The following MAPRE2 variants were observed in gnomAD, a reference collection of about 807,000 sequenced individuals.
MAPRE2 encodes the protein microtubule-associated protein RP/EB family member 2.
Under a neutral mutation model 43.2 loss-of-function variants are expected in MAPRE2, and 13 were observed. The observed-to-expected ratio is 0.30, with a 90% CI of 0.20 to 0.48. The LOEUF (loss-of-function observed/expected upper bound fraction) is 0.48, where lower values mean the gene tolerates loss of function less well. Ranked by LOEUF, MAPRE2 falls within the 20% of genes least tolerant of loss-of-function variation. The probability of loss-of-function intolerance (pLI) is 0.99; values close to 1 mark genes in which losing one functional copy is unlikely to be tolerated. For synonymous variants in MAPRE2, 135 were observed against 148.8 expected (o/e 0.91, Z 0.68); for missense variants, 161 against 400.2 (o/e 0.40, Z 5.10).
At chr18:35,108,298 A>G (rs1909005796) in intron 4 of MAPRE2, among the ~76,000 whole-genome samples, 1 of 152,164 alleles carries the variant, frequency 6.6e-6, no homozygotes, top group South Asian at 2.1e-4. Flanking sequence ...AAAGGACATG[A>G]TCTCATTCCT....
intron 1 of MAPRE2, among the ~76,000 whole-genome samples, chr18:35,048,510 T>A (rs1446803488): frequency 6.6e-6 from 1 of 150,718 alleles, no homozygotes; most frequent in African/African-American, 2.4e-5. Flanking sequence ...TATATATGTG[T>A]TACATATAGT....
intron 4 of MAPRE2, among the ~76,000 whole-genome samples, chr18:35,112,533 A>G (rs2074653826): frequency 6.6e-6 from 1 of 152,170 alleles, no homozygotes; most frequent in African/African-American, 2.4e-5. Context: ...TGACCTGTTC[A>G]TATTAAGAAA....
chr18:35,027,725 T>A (rs544643), intron 2 of MAPRE2, among the ~76,000 whole-genome samples: 39,129 of 152,154 alleles, frequency 0.26, 5,290 homozygotes, highest in African/African-American at 0.29. Flanking sequence ...ACCACAAAAC[T>A]TATTAACTTA....
At chr18:35,015,746 A>C (rs975046777) in intron 2 of MAPRE2, among the ~76,000 whole-genome samples, 1 of 151,790 alleles carries the variant, frequency 6.6e-6, no homozygotes, top group African/African-American at 2.4e-5. Context: ...TCATGAACAA[A>C]AATTCAGAAC....
At position 35,045,019 on chromosome 18, in the gene MAPRE2, G is replaced by A. The variant is rs373254655; in HGVS notation, c.122+3358G>A. Among the ~76,000 whole-genome samples, 12 of 152,208 alleles carry A rather than the reference G, an allele frequency of 7.9e-5. No homozygotes were observed. The South Asian group carries it at 2.5e-3, about 32-fold the overall frequency. ...AAGCTTCCTTTAGAAAATTACCCCTGGATTAGTAATTCCAATTGAAAAGAG... is the reference window on the plus strand; with the variant it reads ...AAGCTTCCTTTAGAAAATTACCCCTAGATTAGTAATTCCAATTGAAAAGAG... On this transcript the variant is annotated intron_variant, in intron 1 of 6. Transcript: ENST00000300249.
In MAPRE2 at chr18:34,985,284, T is replaced by TATATAATATATTATATA. The variant is rs1568961454; in HGVS notation, c.-70+8210_-70+8211insATATATTATATAATATA. Among the ~76,000 whole-genome samples the TATATAATATATTATATA allele has an allele frequency of 2.6e-3, 83 of 32,460 alleles. 4 individuals carry two copies. The highest frequency in any genetic ancestry group is 3.6e-3 in the South Asian group (4 of 1,104). The allele number at this position is 32,460 out of a possible 152,430, so 21.3% of individuals were successfully genotyped here. ...TAATATATTATATAATATAATATAT[T>TATATAATATATTATATA]ATATATTATATTATATATTGTATAT... On this transcript the variant is annotated intron_variant, in intron 1 of 7. Transcript: ENST00000413393.
intron 2 of MAPRE2, 90 bp from the exon 3 acceptor site, chr18:35,097,356 T>G: frequency 8.4e-7 from 1 of 1,189,178 alleles, no homozygotes. Context: ...TGATGGTGCC[T>G]GTAAGGACAA....
intron 1 of MAPRE2, among the ~76,000 whole-genome samples, chr18:35,045,344 A>G (rs1905566823): frequency 6.6e-6 from 1 of 152,156 alleles, no homozygotes; most frequent in Non-Finnish European, 1.5e-5. Context: ...CTTTGTTTGT[A>G]TACTCCAGGC....
At chr18:35,011,787 C>T (rs76442968) in intron 2 of MAPRE2, among the ~76,000 whole-genome samples, 2,291 of 152,214 alleles carry the variant, frequency 0.015, 53 homozygotes, top group African/African-American at 0.052. Flanking sequence ...ATAGAAAGGA[C>T]TGGGGAAGGA....
At chr18:35,032,907 T>C (rs2097048519) in intron 2 of MAPRE2, among the ~76,000 whole-genome samples, 1 of 152,176 alleles carries the variant, frequency 6.6e-6, no homozygotes, top group Non-Finnish European at 1.5e-5. Context: ...ATATCCTTCC[T>C]GTATTGCTGG....
intron 1 of MAPRE2, among the ~76,000 whole-genome samples, chr18:34,985,823 C>T (rs2097020711): frequency 7.0e-6 from 1 of 143,772 alleles, no homozygotes; most frequent in Non-Finnish European, 1.5e-5. Flanking sequence ...TCTCTTTTAA[C>T]CCCCTAGAAG....
At position 34,991,216 on chromosome 18, in the gene MAPRE2, A is replaced by G. The variant is rs149753550; in HGVS notation, c.-70+14137A>G. On this transcript the variant is annotated intron_variant, in intron 1 of 7. Transcript: ENST00000413393. Reference sequence around the variant, plus strand: ...CTCTTCCTCTTCTCTCTCTCTCCCAATTCCCTTTTGTAGTCCCCAGTGTCC... The same window carrying G: ...CTCTTCCTCTTCTCTCTCTCTCCCAGTTCCCTTTTGTAGTCCCCAGTGTCC... 2.0e-5 allele frequency among the ~76,000 whole-genome samples: 3 copies of G among 151,540 alleles called. No individual in the cohort carries two copies. In the East Asian group the frequency reaches 5.8e-4, roughly 30 times the overall value.
intron 1 of MAPRE2, among the ~76,000 whole-genome samples, chr18:35,054,900 A>G (rs1241885822): frequency 1.3e-5 from 2 of 152,190 alleles, no homozygotes; most frequent in Admixed American, 1.3e-4. Context: ...CGTCAGTTCT[A>G]TTGGCTTGAA....
intron 3 of MAPRE2, among the ~76,000 whole-genome samples, chr18:35,099,046 AT>A (rs1908554497): frequency 6.6e-6 from 1 of 152,174 alleles, no homozygotes; most frequent in African/African-American, 2.4e-5. Flanking sequence ...GCCACCTAGG[AT>A]TTTGAACTTT....
intron 2 of MAPRE2, among the ~76,000 whole-genome samples, chr18:35,014,435 CAT>C: frequency 6.7e-6 from 1 of 149,622 alleles, no homozygotes; most frequent in East Asian, 2.0e-4. Flanking sequence ...CTATATAAGG[CAT>C]ATATACCTGG....
chr18:34,984,954 TA>T (rs2097018488), intron 1 of MAPRE2, among the ~76,000 whole-genome samples: 1 of 16,674 alleles, frequency 6.0e-5, no homozygotes, highest in African/African-American at 1.7e-4. Flanking sequence ...TAAAATATAT[TA>T]TATATAAAAT....
Position 35,060,219 on chromosome 18 carries a change from C to T in MAPRE2, c.123-9976C>T, listed in dbSNP as rs144464102. On this transcript the variant is annotated intron_variant, in intron 1 of 6. Transcript: ENST00000300249. ...GAGCTAAGGTCAGGGTAAGAGGGAA[C>T]GAGGCCAAGTAGGGCTGGGAAAGTA... Among the ~76,000 whole-genome samples, 130 of 152,102 alleles carry T rather than the reference C, an allele frequency of 8.5e-4. No homozygotes were observed. The Middle Eastern group carries it at 0.01, about 12-fold the overall frequency.
At chr18:35,122,442 G>C (rs910153486) in intron 4 of MAPRE2, among the ~76,000 whole-genome samples, 1 of 152,070 alleles carries the variant, frequency 6.6e-6, no homozygotes, top group Non-Finnish European at 1.5e-5. Context: ...AGTTAAGTAG[G>C]CCTGATCTCA....
intron 4 of MAPRE2, among the ~76,000 whole-genome samples, chr18:35,123,948 T>G (rs902784110): frequency 1.4e-4 from 22 of 152,110 alleles, no homozygotes; most frequent in Non-Finnish European, 2.9e-5. Flanking sequence ...TGGAAAGTGT[T>G]CAGGGCACTG....
Sources: allele counts gnomAD v4.1 joint callset (sites outside exome capture counted in the v4.1 genomes callset), GRCh38; gene constraint gnomAD v4.1.1; transcripts MANE v1.5; gene names NCBI Gene and HGNC (gene_info 2026-07-23, HGNC 2026-07-21).